PCDHGB6: variants seen among roughly 807,000 people sequenced by gnomAD.
PCDHGB6 encodes the protein protocadherin gamma-B6.
Under a neutral mutation model 59.1 loss-of-function variants are expected in PCDHGB6, and 51 were observed. That is an observed-to-expected ratio of 0.86 (90% confidence interval 0.69 to 1.09). PCDHGB6 has a LOEUF of 1.09. Among genes scored for constraint, PCDHGB6 ranks in the 50% least tolerant of loss-of-function variants. The probability of loss-of-function intolerance (pLI) is 0.00; values close to 1 mark genes in which losing one functional copy is unlikely to be tolerated. For synonymous variants in PCDHGB6, 466 were observed against 495.1 expected, an observed-to-expected ratio of 0.94 and a Z score of 0.78; for missense variants, 1,148 against 1,205.1, an observed-to-expected ratio of 0.95 and a Z score of 0.70.
intron 1 of PCDHGB6, among the ~76,000 whole-genome samples, chr5:141,451,108 G>A (rs1484218835): frequency 3.3e-5 from 5 of 151,860 alleles, no homozygotes; most frequent in South Asian, 2.1e-4. Flanking sequence ...GATTACAGGC[G>A]TGAGCCACCA....
Position 141,431,804 on chromosome 5 carries a change from C to G in PCDHGB6, c.2418+21184C>G. On this transcript the variant is annotated intron_variant, in intron 1 of 3. Transcript: ENST00000520790. This position sits in a 1 kb window ranked among gnomAD's most constrained non-coding sequence, Gnocchi z 4.8. Reference sequence around the variant, plus strand: ...GAACGACAATGCCCCAGAAGTGGTCCTCACCTCTCTCGCCAGCTCGGTTCC... The same window carrying G: ...GAACGACAATGCCCCAGAAGTGGTCGTCACCTCTCTCGCCAGCTCGGTTCC... 6.2e-7 allele frequency: 1 copy of G among 1,614,232 alleles called. No homozygotes were observed. The highest frequency in any genetic ancestry group is 1.3e-5 in the African/African-American group (1 of 75,056).
At chr5:141,421,436 G>C (rs373015809) in intron 1 of PCDHGB6, 6 of 1,613,994 alleles carry the variant, frequency 3.7e-6, no homozygotes, top group African/African-American at 2.7e-5. Context: ...ATCGTCTCCA[G>C]AGGGAAGACA....
chr5:141,482,503 C>A (rs375429072), intron 1 of PCDHGB6, among the ~76,000 whole-genome samples: 2 of 136,154 alleles, frequency 1.5e-5, no homozygotes, highest in South Asian at 4.4e-4. Context: ...CATTCTGGTA[C>A]CCAGAGTACA....
intron 1 of PCDHGB6, chr5:141,428,344 G>C (rs970552377): frequency 8.4e-6 from 5 of 596,498 alleles, no homozygotes; most frequent in Non-Finnish European, 1.5e-5. Context: ...CTTCTTCCTC[G>C]CAGTGATTTT....
intron 1 of PCDHGB6, among the ~76,000 whole-genome samples, chr5:141,425,350 A>G (rs926657846): frequency 6.6e-6 from 1 of 152,194 alleles, no homozygotes; most frequent in Non-Finnish European, 1.5e-5. Context: ...TGGCTTTGAA[A>G]TGTGATATTA....
At chr5:141,434,658 T>C (rs1243599957) in intron 1 of PCDHGB6, among the ~76,000 whole-genome samples, 2 of 152,198 alleles carry the variant, frequency 1.3e-5, no homozygotes, top group African/African-American at 2.4e-5. Flanking sequence ...ATCTAATATC[T>C]ATAGAAATGA....
intron 1 of PCDHGB6, chr5:141,417,834 G>A (rs1382990900): frequency 2.0e-6 from 3 of 1,530,144 alleles, no homozygotes; most frequent in Middle Eastern, 3.5e-4. Context: ...GGAAAAGCGG[G>A]GACCCAGCGA....
intron 1 of PCDHGB6, chr5:141,478,551 G>A (rs759604162): frequency 6.2e-6 from 10 of 1,603,054 alleles, no homozygotes; most frequent in South Asian, 3.3e-5. Context: ...GGACAGGTAA[G>A]GTTTAGCAAG....
chr5:141,422,478 G>C, intron 1 of PCDHGB6: 1 of 1,613,914 alleles, frequency 6.2e-7, no homozygotes, highest in Non-Finnish European at 8.5e-7. Flanking sequence ...AGTTGGTCCA[G>C]AGCTACAATA....
intron 1 of PCDHGB6, among the ~76,000 whole-genome samples, chr5:141,453,121 G>A (rs62379169): frequency 4.7e-4 from 71 of 151,818 alleles, no homozygotes; most frequent in Non-Finnish European, 8.4e-4. Flanking sequence ...GTTTTGTTTT[G>A]TTTTGTTTTT....
chr5:141,431,296 C>T lies in PCDHGB6; in HGVS notation c.2418+20676C>T, dbSNP rs2097358592. On this transcript the variant is annotated intron_variant, in intron 1 of 3. Transcript: ENST00000520790. The surrounding 1 kb of genome is among the most constrained non-coding windows in gnomAD (Gnocchi z 4.8). ...AGCTCAGCCCGAACACTCACTTCTC[C>T]CTCATCGTGCAAAATGGAGCCGACG... The T allele has an allele frequency of 1.9e-6, 3 of 1,614,018 alleles. No individual in the cohort carries two copies. Among genetic ancestry groups the T allele is most frequent in the Non-Finnish European group, 2.5e-6 (3 of 1,180,048 alleles).
chr5:141,511,443 C>A lies in PCDHGB6; in HGVS notation c.*270C>A. On this transcript the variant is annotated 3_prime_UTR_variant, in exon 4 of 4. Coordinates refer to ENST00000520790, the MANE Select transcript of PCDHGB6 (RefSeq NM_018926.3). ...GGGGTAGTGGGGTTACTGTAGACAC[C>A]AAGAACCATTTGCCACACCCCGTTT... 1 of 670,886 alleles carries A rather than the reference C, an allele frequency of 1.5e-6. No homozygotes were observed. Among genetic ancestry groups the A allele is most frequent in the Non-Finnish European group, 2.4e-6 (1 of 421,442 alleles). 41.6% of individuals were successfully genotyped at this position (670,886 alleles called of 1,614,324 possible).
intron 1 of PCDHGB6, chr5:141,426,748 C>T: frequency 2.2e-6 from 1 of 455,172 alleles, no homozygotes; most frequent in African/African-American, 2.0e-5. Context: ...GGCCTGGAAT[C>T]TGCTATAGAT....
chr5:141,463,467 G>A (rs200270457), intron 1 of PCDHGB6, among the ~76,000 whole-genome samples: 2,116 of 11,250 alleles, frequency 0.19, 39 homozygotes, highest in East Asian at 0.24. Context: ...TTTTTTTTTT[G>A]AGATGGAGTC....
At chr5:141,468,415 G>A (rs1040067190) in intron 1 of PCDHGB6, 5 of 151,704 alleles carry the variant, frequency 3.3e-5, no homozygotes, top group Non-Finnish European at 7.4e-5. Context: ...TAATAAGTTA[G>A]ATAGCAAGGT....
chr5:141,476,977 C>T lies in PCDHGB6; in HGVS notation c.2419-17830C>T, dbSNP rs141692339. 3,083 of 1,614,232 alleles carry T rather than the reference C, an allele frequency of 1.9e-3. 52 individuals carry two copies. The African/African-American group carries it at 0.034, about 18-fold the overall frequency. Reference sequence around the variant, plus strand: ...TTATTTACTCCTTCGGCAGCCACAACCGCGCCGGCGTGCGGCAACTATTCG... The same window carrying T: ...TTATTTACTCCTTCGGCAGCCACAATCGCGCCGGCGTGCGGCAACTATTCG... On this transcript the variant is annotated intron_variant, in intron 1 of 3. Coordinates refer to ENST00000520790, the MANE Select transcript of PCDHGB6 (RefSeq NM_018926.3). This position sits in a 1 kb window ranked among gnomAD's most constrained non-coding sequence, Gnocchi z 7.6.
rs776975666 is a variant in PCDHGB6 at position 141,432,850 on chromosome 5, G to A, written c.2418+22230G>A. The A allele has an allele frequency of 6.2e-7, 1 of 1,614,170 alleles. No homozygotes were observed. The highest frequency in any genetic ancestry group is 1.1e-5 in the South Asian group (1 of 91,088). ...TCACTCTGTACCTGGTGGTAGCGGT[G>A]GCCGCGGTCTCCTGCGTCTTCCTGG... is the stretch of plus-strand genomic sequence containing the variant. On this transcript the variant is annotated intron_variant, in intron 1 of 3. Coordinates refer to ENST00000520790, the MANE Select transcript of PCDHGB6 (RefSeq NM_018926.3). The surrounding 1 kb of genome is among the most constrained non-coding windows in gnomAD (Gnocchi z 6.0).
At position 141,486,449 on chromosome 5, in the gene PCDHGB6, A is replaced by G; in HGVS notation, c.2419-8358A>G. On this transcript the variant is annotated intron_variant, in intron 1 of 3. Coordinates refer to ENST00000520790, the MANE Select transcript of PCDHGB6 (RefSeq NM_018926.3). The surrounding 1 kb of genome is among the most constrained non-coding windows in gnomAD (Gnocchi z 5.0). The stretch of plus-strand genomic sequence containing the variant: ...CAAATCTAGCTATGACATCATGGTC[A>G]CTGCTTCTGATGCTGGGAACCCTCC... The G allele has an allele frequency of 6.2e-7, 1 of 1,614,184 alleles. No homozygotes were observed. Among genetic ancestry groups the G allele is most frequent in the Non-Finnish European group, 8.5e-7 (1 of 1,180,000 alleles).
Position 141,476,008 on chromosome 5 carries a change from G to T in PCDHGB6, c.2419-18799G>T. 1 of 1,282,144 alleles carries T rather than the reference G, an allele frequency of 7.8e-7. No homozygotes were observed. Among genetic ancestry groups the T allele is most frequent in the Non-Finnish European group, 1.1e-6 (1 of 935,996 alleles). 79.4% of individuals were successfully genotyped at this position (1,282,144 alleles called of 1,614,324 possible). On this transcript the variant is annotated intron_variant, in intron 1 of 3. Coordinates refer to ENST00000520790, the MANE Select transcript of PCDHGB6 (RefSeq NM_018926.3). This position sits in a 1 kb window ranked among gnomAD's most constrained non-coding sequence, Gnocchi z 7.6. ...CGAGCAAATCAACGGCATCCAGAAA[G>T]CCATGTCGGACTCGGCGCCCAGCGC... is the stretch of plus-strand genomic sequence containing the variant.
Sources: gnomAD v4.1 joint callset for allele counts (sites outside exome capture counted in the v4.1 genomes callset) on GRCh38, gnomAD v4.1.1 for gene constraint, Gnocchi (gnomAD v3.1) non-coding constraint, MANE v1.5 for transcripts, NCBI Gene and HGNC (gene_info 2026-07-23, HGNC 2026-07-21) for gene names.